Variants in NCALD observed in about 807,000 individuals in gnomAD.
NCALD encodes neurocalcin-delta.
NCALD carries 10 observed loss-of-function variants against 18.6 expected under a neutral mutation model. The observed-to-expected ratio is 0.54, with a 90% CI of 0.33 to 0.91. The LOEUF (loss-of-function observed/expected upper bound fraction) is 0.91. NCALD is among the 40% of genes least tolerant of loss of function. The probability of loss-of-function intolerance (pLI) is 0.03; values close to 1 mark genes in which losing one functional copy is unlikely to be tolerated. For missense variants in NCALD, 184 were observed against 247.6 expected (o/e 0.74, Z 1.72); for synonymous variants, 88 against 87.4 (o/e 1.01, Z -0.04).
At chr8:101,743,695 A>C (rs553300527) in intron 1 of NCALD, among the ~76,000 whole-genome samples, 1 of 152,360 alleles carries the variant, frequency 6.6e-6, no homozygotes, top group African/African-American at 2.4e-5. Context: ...CACAGATGCC[A>C]GAAGAAATAG....
At chr8:101,834,102 G>C (rs1814304816) in intron 4 of NCALD, among the ~76,000 whole-genome samples, 1 of 152,196 alleles carries the variant, frequency 6.6e-6, no homozygotes, top group Non-Finnish European at 1.5e-5. Context: ...GTGCCTTCTG[G>C]GGGGATTTGT....
At chr8:101,905,206 A>G (rs902953136) in intron 3 of NCALD, among the ~76,000 whole-genome samples, 4 of 151,920 alleles carry the variant, frequency 2.6e-5, no homozygotes, top group South Asian at 4.2e-4. Flanking sequence ...TTCTATGCCC[A>G]TGGCTTCTAT....
intron 2 of NCALD, among the ~76,000 whole-genome samples, chr8:102,001,087 G>A (rs1409417794): frequency 1.3e-5 from 2 of 152,206 alleles, no homozygotes; most frequent in Non-Finnish European, 2.9e-5. Context: ...TGAGCTAAAG[G>A]AGGAAGTTTG....
At chr8:102,015,046 AG>A (rs1189087960) in intron 2 of NCALD, among the ~76,000 whole-genome samples, 2 of 152,182 alleles carry the variant, frequency 1.3e-5, no homozygotes, top group Non-Finnish European at 2.9e-5. Flanking sequence ...GATGCTCCCG[AG>A]ATGGCTAGGA....
intron 2 of NCALD, among the ~76,000 whole-genome samples, chr8:101,928,328 C>T (rs1818413507): frequency 1.3e-5 from 2 of 152,140 alleles, no homozygotes; most frequent in Non-Finnish European, 2.9e-5. Flanking sequence ...CCCCTAATTC[C>T]ATTTAGTACA....
rs535883577 is a variant in NCALD, at chr8:102,076,302, T to C, written c.-210+47935A>G. Among the ~76,000 whole-genome samples the C allele has an allele frequency of 5.3e-5, 8 of 152,322 alleles. No individual in the cohort carries two copies. The South Asian group carries it at 1.0e-3, about 20-fold the overall frequency. On this transcript the variant is annotated intron_variant, in intron 1 of 6. Transcript: ENST00000311028. ...CTAAGAGAACACAGGTGACTTATTG[T>C]TAGTAACCAAGTCAAGCTAATGAGT... is the stretch of plus-strand genomic sequence containing the variant.
At chr8:101,864,051 C>G (rs1383634205) in intron 4 of NCALD, among the ~76,000 whole-genome samples, 3 of 152,128 alleles carry the variant, frequency 2.0e-5, no homozygotes, top group Non-Finnish European at 4.4e-5. Context: ...CTACATTAAC[C>G]AACAATCAGA....
intron 2 of NCALD, among the ~76,000 whole-genome samples, chr8:101,944,904 A>T (rs1819108346): frequency 6.6e-6 from 1 of 152,164 alleles, no homozygotes; most frequent in South Asian, 2.1e-4. Flanking sequence ...ACCTCTATAA[A>T]TAATCCCTTC....
intron 4 of NCALD, among the ~76,000 whole-genome samples, chr8:101,804,201 T>C (rs1812974382): frequency 6.6e-6 from 1 of 150,972 alleles, no homozygotes; most frequent in Non-Finnish European, 1.5e-5. Context: ...AGAAAAATTA[T>C]TTTCTAAAAA....
chr8:101,928,742 TTTCTC>T (rs1354743897), intron 2 of NCALD, among the ~76,000 whole-genome samples: 2 of 152,232 alleles, frequency 1.3e-5, no homozygotes, highest in Non-Finnish European at 2.9e-5. Flanking sequence ...TCTTGCAACT[TTTCTC>T]TAAACGTTAA....
chr8:101,705,092 T>C (rs1815448330), intron 2 of NCALD, among the ~76,000 whole-genome samples: 1 of 151,648 alleles, frequency 6.6e-6, no homozygotes, highest in Admixed American at 6.6e-5. Flanking sequence ...CTGGGCATGG[T>C]GGTGCGCACC....
At chr8:101,993,179 C>A (rs1821114425) in intron 2 of NCALD, among the ~76,000 whole-genome samples, 1 of 151,526 alleles carries the variant, frequency 6.6e-6, no homozygotes, top group Non-Finnish European at 1.5e-5. Context: ...ACAAACCATT[C>A]CTTCTATTTC....
At chr8:102,033,050 C>T (rs1315554997) in intron 1 of NCALD, among the ~76,000 whole-genome samples, 2 of 152,194 alleles carry the variant, frequency 1.3e-5, no homozygotes, top group Admixed American at 1.3e-4. Flanking sequence ...GGGAAATAAA[C>T]ATTTCCTGTG....
intron 4 of NCALD, among the ~76,000 whole-genome samples, chr8:101,804,693 C>CTAAT (rs202061075): frequency 0.74 from 99,944 of 135,258 alleles, 37,682 homozygotes; most frequent in Middle Eastern, 0.82. Context: ...AAATTAATAC[C>CTAAT]TAATTATATA....
intron 3 of NCALD, among the ~76,000 whole-genome samples, chr8:101,913,845 G>T (rs750188736): frequency 2.0e-5 from 3 of 152,206 alleles, no homozygotes; most frequent in Non-Finnish European, 4.4e-5. Context: ...GCCTCCCAAA[G>T]TGCTAGGATT....
At chr8:101,881,262 A>G (rs542280488) in intron 4 of NCALD, among the ~76,000 whole-genome samples, 1 of 152,374 alleles carries the variant, frequency 6.6e-6, no homozygotes, top group African/African-American at 2.4e-5. Flanking sequence ...TGAAGTCTTC[A>G]CTGCACCATA....
chr8:101,737,894 G>A (rs1045473917), intron 1 of NCALD, among the ~76,000 whole-genome samples: 39 of 152,234 alleles, frequency 2.6e-4, no homozygotes, highest in African/African-American at 7.7e-4. Context: ...TGTAGATGCT[G>A]TTACATTGCT....
chr8:102,098,929 A>G (rs1430962383), intron 1 of NCALD, among the ~76,000 whole-genome samples: 1 of 152,220 alleles, frequency 6.6e-6, no homozygotes, highest in African/African-American at 2.4e-5. Context: ...TGTCAGAGCT[A>G]CTATAGAAGT....
At chr8:102,051,874 C>A (rs1344612894) in intron 1 of NCALD, among the ~76,000 whole-genome samples, 1 of 152,182 alleles carries the variant, frequency 6.6e-6, no homozygotes, top group Non-Finnish European at 1.5e-5. Context: ...GGAAGATATT[C>A]GTCTAAGGTA....
Sources: gnomAD v4.1 joint callset for allele counts (sites outside exome capture counted in the v4.1 genomes callset) on GRCh38, gnomAD v4.1.1 for gene constraint, MANE v1.5 for transcripts, NCBI Gene and HGNC (gene_info 2026-07-23, HGNC 2026-07-21) for gene names.